Variants in FNBP1L observed in about 807,000 individuals in gnomAD.
The protein encoded by FNBP1L is formin binding protein 1 like.
FNBP1L carries 36 observed loss-of-function variants against 91.2 expected under a neutral mutation model. That is an observed-to-expected ratio of 0.39 (90% CI 0.30 to 0.52). FNBP1L has a LOEUF of 0.52. Ranked by LOEUF, FNBP1L falls within the 20% of genes least tolerant of loss-of-function variation. The pLI, the probability that FNBP1L is intolerant of heterozygous loss-of-function variation, is 0.66. For synonymous variants in FNBP1L, 242 were observed against 237.0 expected, an observed-to-expected ratio of 1.02 and a Z score of -0.19; for missense variants, 571 against 732.1, an observed-to-expected ratio of 0.78 and a Z score of 2.54.
chr1:93,471,366 C>T (rs1377723818), intron 1 of FNBP1L, among the ~76,000 whole-genome samples: 1 of 152,100 alleles, frequency 6.6e-6, no homozygotes, highest in South Asian at 2.1e-4. Context: ...TTTTATTTTG[C>T]TTAGTGTTTT....
chr1:93,499,742 G>A (rs1236161654), intron 2 of FNBP1L, among the ~76,000 whole-genome samples, 159 bp downstream of exon 2: 7 of 152,098 alleles, frequency 4.6e-5, no homozygotes, highest in African/African-American at 1.4e-4. Flanking sequence ...TAAGTCATTG[G>A]CTAGTACAGT....
chr1:93,481,192 C>G (rs1297636848), intron 1 of FNBP1L, among the ~76,000 whole-genome samples: 1 of 152,096 alleles, frequency 6.6e-6, no homozygotes, highest in African/African-American at 2.4e-5. Context: ...GAACAAACTT[C>G]TTAATTTCTA....
At chr1:93,526,117 G>T (rs1354955303) in intron 5 of FNBP1L, among the ~76,000 whole-genome samples, 3 of 152,120 alleles carry the variant, frequency 2.0e-5, no homozygotes, top group Non-Finnish European at 4.4e-5. Context: ...GAATAAAGTA[G>T]GCAGTACTGG....
chr1:93,549,778 T>C (rs143827955), intron 15 of FNBP1L, among the ~76,000 whole-genome samples: 1 of 152,348 alleles, frequency 6.6e-6, no homozygotes, highest in Non-Finnish European at 1.5e-5. Context: ...AGCGGGATGC[T>C]GGCGGATGCC....
chr1:93,448,523 C>G (rs1668350880), intron 1 of FNBP1L, among the ~76,000 whole-genome samples: 1 of 152,304 alleles, frequency 6.6e-6, no homozygotes, highest in Middle Eastern at 3.4e-3. Context: ...CCTTTGCCGC[C>G]GTGGTGCAGC....
At chr1:93,515,909 T>TATA (rs202032734) in intron 2 of FNBP1L, among the ~76,000 whole-genome samples, 7 of 151,944 alleles carry the variant, frequency 4.6e-5, no homozygotes, top group Non-Finnish European at 7.4e-5. Context: ...AAACTTAAGG[T>TATA]ATAATAATAA....
chr1:93,529,888 A>T, intron 6 of FNBP1L, 132 bp downstream of exon 6: 1 of 578,000 alleles, frequency 1.7e-6, no homozygotes, highest in Non-Finnish European at 3.0e-6. Flanking sequence ...AAAATATACA[A>T]ATATTTGCCA....
chr1:93,488,697 C>T (rs1414556609), intron 1 of FNBP1L, among the ~76,000 whole-genome samples: 1 of 152,154 alleles, frequency 6.6e-6, no homozygotes, highest in African/African-American at 2.4e-5. Flanking sequence ...TTTTGCTCTT[C>T]CTGGAATACA....
rs1431927531 is a variant in FNBP1L, at chr1:93,546,882, C to T, written c.1315C>T (p.Pro439Ser). Residue 439 changes from proline to serine, a missense_variant, in exon 13 of 17, where the codon CCA (proline) becomes TCA (serine). Around this residue, in one of 5 missense-constraint regions of FNBP1L, gnomAD observed 189 missense variants for 219.7 expected, o/e 0.86. Transcript: ENST00000271234. ...AATGAAAGATGTATATGAGAAGAAT[C>T]CACAAATGGGGGATCCAGGGAGTTT... Reference protein sequence around the residue: ...NKMKDVYEKNPQMGDPGSLQP... With the variant: ...NKMKDVYEKNSQMGDPGSLQP... 9.9e-6 allele frequency: 16 copies of T among 1,612,728 alleles called. No homozygotes were observed. The highest frequency in any genetic ancestry group is 1.4e-5 in the Non-Finnish European group (16 of 1,179,374).
chr1:93,499,194 G>A (rs750209245), intron 1 of FNBP1L, among the ~76,000 whole-genome samples: 42 of 152,110 alleles, frequency 2.8e-4, no homozygotes, highest in Admixed American at 7.9e-4. Context: ...GGGGGGATTT[G>A]GGGAAGAGTT....
chr1:93,517,833 C>T (rs910671226), intron 2 of FNBP1L, among the ~76,000 whole-genome samples: 4 of 152,150 alleles, frequency 2.6e-5, no homozygotes, highest in African/African-American at 4.8e-5. Context: ...TTTTAACCAT[C>T]TCTGGTGTTG....
At chr1:93,509,396 C>T (rs1670740538) in intron 2 of FNBP1L, among the ~76,000 whole-genome samples, 1 of 152,072 alleles carries the variant, frequency 6.6e-6, no homozygotes, top group African/African-American at 2.4e-5. Flanking sequence ...AGCTCATAGC[C>T]CCATGCAGAA....
chr1:93,534,611 TA>T, intron 8 of FNBP1L, 93 bp from the exon 9 acceptor site: 1 of 716,006 alleles, frequency 1.4e-6, no homozygotes, highest in Non-Finnish European at 2.2e-6. Flanking sequence ...TTTAAACTTA[TA>T]TTTGTTGTTT....
rs147998142 is a variant in FNBP1L at position 93,469,249 on chromosome 1, C to A, written c.24+20944C>A. 1.9e-3 allele frequency among the ~76,000 whole-genome samples: 284 copies of A among 150,804 alleles called. 7 individuals carry two copies. In the East Asian group the frequency reaches 0.054, roughly 28 times the overall value. ...ATTCCTCCCCTAACCCCCCACCCCC[C>A]AACAGGCCCCAGTGTGTGATGTTCC... On this transcript the variant is annotated intron_variant, in intron 1 of 16. Transcript: ENST00000271234.
chr1:93,541,147 A>T, intron 11 of FNBP1L, 91 bp downstream of exon 11: 1 of 1,243,250 alleles, frequency 8.0e-7, no homozygotes, highest in Non-Finnish European at 1.1e-6. Context: ...GGTAAATTAC[A>T]TCCCACGTTT....
chr1:93,521,052 C>T (rs1442681047), intron 2 of FNBP1L, among the ~76,000 whole-genome samples: 3 of 151,704 alleles, frequency 2.0e-5, no homozygotes, highest in African/African-American at 4.8e-5. Flanking sequence ...AATAAACCAA[C>T]CAACCAACCA....
At chr1:93,541,911 C>T (rs1462954821) in intron 11 of FNBP1L, among the ~76,000 whole-genome samples, 1 of 151,764 alleles carries the variant, frequency 6.6e-6, no homozygotes, top group Non-Finnish European at 1.5e-5. Flanking sequence ...GTTTACTGTT[C>T]ATAAATTTGA....
chr1:93,514,784 C>T (rs1570829518), intron 2 of FNBP1L, among the ~76,000 whole-genome samples: 1 of 151,766 alleles, frequency 6.6e-6, no homozygotes, highest in African/African-American at 2.4e-5. Context: ...GGATTAAAGA[C>T]TTAAACGTTA....
intron 7 of FNBP1L, 149 bp from the exon 8 acceptor site, chr1:93,532,772 TA>T: frequency 2.1e-6 from 1 of 468,648 alleles, no homozygotes; most frequent in Non-Finnish European, 3.6e-6. Flanking sequence ...TTAAGTATTA[TA>T]AGTCAATAGC....
Sources: gnomAD v4.1 joint callset for allele counts (sites outside exome capture counted in the v4.1 genomes callset) on GRCh38, gnomAD v4.1.1 for gene constraint, gnomAD v4.1.1 regional missense constraint, MANE v1.5 for transcripts, NCBI Gene and HGNC (gene_info 2026-07-23, HGNC 2026-07-21) for gene names.